CNTNAP2: variants seen among roughly 807,000 people sequenced by gnomAD.
The protein encoded by CNTNAP2 is contactin associated protein 2.
Under a neutral mutation model 155.2 loss-of-function variants are expected in CNTNAP2, and 98 were observed. The ratio of observed to expected loss-of-function variants is 0.63; its 90% CI spans 0.54 to 0.75. The LOEUF is 0.75. Among genes scored for constraint, CNTNAP2 ranks in the 30% least tolerant of loss-of-function variants. The pLI is 0.00. For synonymous variants in CNTNAP2, 651 were observed against 631.2 expected (o/e 1.03, Z -0.47); for missense variants, 1,727 against 1,688.1 (o/e 1.02, Z -0.40).
chr7:147,075,726 C>T (rs1392826054), intron 4 of CNTNAP2, among the ~76,000 whole-genome samples: 4 of 151,954 alleles, frequency 2.6e-5, no homozygotes, highest in Non-Finnish European at 5.9e-5. Flanking sequence ...TGGTGTGCTA[C>T]ACCCATTAAC....
chr7:148,109,106 C>T (rs1176913938), intron 15 of CNTNAP2, among the ~76,000 whole-genome samples: 1 of 152,192 alleles, frequency 6.6e-6, no homozygotes, highest in Admixed American at 6.5e-5. Context: ...CTTGGCCAAG[C>T]CCTTGCACAG....
At chr7:146,606,963 A>G (rs1199829230) in intron 1 of CNTNAP2, among the ~76,000 whole-genome samples, 1 of 152,228 alleles carries the variant, frequency 6.6e-6, no homozygotes, top group East Asian at 1.9e-4. Flanking sequence ...AGTATACAGC[A>G]GAACAGTTTG....
chr7:146,697,292 C>T (rs1305694123), intron 1 of CNTNAP2, among the ~76,000 whole-genome samples: 1 of 151,410 alleles, frequency 6.6e-6, no homozygotes, highest in Non-Finnish European at 1.5e-5. Flanking sequence ...GGCTGGAGTG[C>T]TGTGGCGCAA....
chr7:146,717,137 C>T (rs903123475), intron 1 of CNTNAP2, among the ~76,000 whole-genome samples: 1 of 152,056 alleles, frequency 6.6e-6, no homozygotes, highest in Non-Finnish European at 1.5e-5. Context: ...TGCCTGGCAG[C>T]ATATTATTTA....
intron 21 of CNTNAP2, among the ~76,000 whole-genome samples, chr7:148,323,355 T>TA (rs1554418024): frequency 6.8e-6 from 1 of 147,880 alleles, no homozygotes; most frequent in Non-Finnish European, 1.5e-5. Context: ...CTTTTTTTTT[T>TA]ATACTTAAAG....
At chr7:147,572,198 C>G (rs1388902510) in intron 12 of CNTNAP2, among the ~76,000 whole-genome samples, 1 of 133,606 alleles carries the variant, frequency 7.5e-6, no homozygotes, top group African/African-American at 2.8e-5. Context: ...CATTCCAGAG[C>G]TTCTGCCTGC....
intron 3 of CNTNAP2, among the ~76,000 whole-genome samples, chr7:147,024,485 G>C (rs1244262277): frequency 6.6e-6 from 1 of 152,102 alleles, no homozygotes; most frequent in Non-Finnish European, 1.5e-5. Context: ...GAACTCAACT[G>C]TATTAGTCCA....
At chr7:148,289,129 A>G (rs375487115) in intron 21 of CNTNAP2, among the ~76,000 whole-genome samples, 8 of 152,292 alleles carry the variant, frequency 5.3e-5, no homozygotes, top group East Asian at 3.9e-4. Flanking sequence ...GGACCCTATC[A>G]GCTCAGCGCT....
chr7:148,302,274 G>T (rs1245165215), intron 21 of CNTNAP2, among the ~76,000 whole-genome samples: 1 of 152,226 alleles, frequency 6.6e-6, no homozygotes. Context: ...AATGAGACCA[G>T]CCAGGGTAAT....
At chr7:147,928,213 C>G (rs1251079151) in intron 14 of CNTNAP2, among the ~76,000 whole-genome samples, 1 of 152,074 alleles carries the variant, frequency 6.6e-6, no homozygotes, top group African/African-American at 2.4e-5. Flanking sequence ...ACCTCTTTTT[C>G]TTTATAAATT....
At chr7:147,440,938 G>A (rs1466014714) in intron 10 of CNTNAP2, among the ~76,000 whole-genome samples, 1 of 152,030 alleles carries the variant, frequency 6.6e-6, no homozygotes, top group Non-Finnish European at 1.5e-5. Flanking sequence ...AAGCCTTGAA[G>A]TAGTCTTCTT....
chr7:147,409,624 T>C (rs1294063484), intron 10 of CNTNAP2, among the ~76,000 whole-genome samples: 1 of 151,940 alleles, frequency 6.6e-6, no homozygotes, highest in Admixed American at 6.6e-5. Flanking sequence ...AGCTACAGAA[T>C]GGGAGAAAAT....
intron 3 of CNTNAP2, among the ~76,000 whole-genome samples, chr7:146,939,205 C>T (rs1016776968): frequency 3.3e-5 from 5 of 152,064 alleles, no homozygotes; most frequent in East Asian, 1.9e-4. Context: ...TCTAAGCAAG[C>T]GGCAGTCTAC....
intron 8 of CNTNAP2, among the ~76,000 whole-genome samples, chr7:147,250,874 G>T (rs58358988): frequency 6.6e-6 from 1 of 152,058 alleles, no homozygotes. Context: ...GTGAATTCCA[G>T]TGCAGGCTAA....
At chr7:147,203,617 A>G (rs1802963598) in intron 8 of CNTNAP2, among the ~76,000 whole-genome samples, 2 of 152,228 alleles carry the variant, frequency 1.3e-5, no homozygotes, top group African/African-American at 4.8e-5. Context: ...TAATACACAT[A>G]GATTCTTGAT....
chr7:146,237,854 C>T (rs1799499228), intron 1 of CNTNAP2, among the ~76,000 whole-genome samples: 1 of 152,138 alleles, frequency 6.6e-6, no homozygotes, highest in Non-Finnish European at 1.5e-5. Flanking sequence ...CCCAGAATTG[C>T]CCAAACTTAC....
chr7:147,164,997 A>G (rs1802089507), intron 8 of CNTNAP2, among the ~76,000 whole-genome samples: 1 of 152,212 alleles, frequency 6.6e-6, no homozygotes, highest in African/African-American at 2.4e-5. Flanking sequence ...TTATAAGACA[A>G]TTACTTGACT....
intron 14 of CNTNAP2, among the ~76,000 whole-genome samples, chr7:147,935,509 A>G (rs1181308412): frequency 6.6e-6 from 1 of 152,216 alleles, no homozygotes; most frequent in Non-Finnish European, 1.5e-5. Context: ...ATTTTATGCC[A>G]CCTTTTTGGT....
chr7:147,227,954 C>T (rs1319568662), intron 8 of CNTNAP2, among the ~76,000 whole-genome samples: 9 of 152,064 alleles, frequency 5.9e-5, no homozygotes, highest in African/African-American at 2.2e-4. Flanking sequence ...CATTTGCACT[C>T]TAATATTAAT....
Sources: allele counts gnomAD v4.1 joint callset (sites outside exome capture counted in the v4.1 genomes callset), GRCh38; gene constraint gnomAD v4.1.1; transcripts MANE v1.5; gene names NCBI Gene and HGNC (gene_info 2026-07-23, HGNC 2026-07-21).